Variants in KCNH7 observed in about 807,000 individuals in gnomAD.
KCNH7 encodes potassium voltage-gated channel subfamily H member 7, also known as voltage-gated inwardly rectifying potassium channel KCNH7.
A neutral mutation model predicts 120.8 loss-of-function variants in KCNH7; 49 were observed. That is an observed-to-expected ratio of 0.41 (90% CI 0.32 to 0.51). The LOEUF is 0.51. Among genes scored for constraint, KCNH7 ranks in the 20% least tolerant of loss-of-function variants. The pLI, the probability that KCNH7 is intolerant of heterozygous loss-of-function variation, is 0.38. For missense variants in KCNH7, 1,097 were observed against 1,446.6 expected (o/e 0.76, Z 3.92); for synonymous variants, 547 against 516.1 (o/e 1.06, Z -0.81).
chr2:162,821,815 T>C (rs191051040), intron 2 of KCNH7, among the ~76,000 whole-genome samples: 1 of 152,280 alleles, frequency 6.6e-6, no homozygotes, highest in East Asian at 1.9e-4. Flanking sequence ...ATACAATTTA[T>C]CTTGGTTCTC....
At chr2:162,518,963 T>C (rs1269238273) in intron 3 of KCNH7, among the ~76,000 whole-genome samples, 1 of 151,556 alleles carries the variant, frequency 6.6e-6, no homozygotes, top group Non-Finnish European at 1.5e-5. Context: ...AACATTAAAA[T>C]ATTAAACTTT....
chr2:162,491,518 G>T (rs1014991273), intron 6 of KCNH7, among the ~76,000 whole-genome samples: 2 of 152,112 alleles, frequency 1.3e-5, no homozygotes, highest in Non-Finnish European at 2.9e-5. Context: ...ATAGATAGAG[G>T]TCATGCTAGT....
intron 2 of KCNH7, among the ~76,000 whole-genome samples, chr2:162,696,318 T>C (rs904100363): frequency 1.3e-5 from 2 of 152,160 alleles, no homozygotes; most frequent in Non-Finnish European, 2.9e-5. Context: ...ATGTTGGAAA[T>C]AGGATAAGTA....
intron 8 of KCNH7, among the ~76,000 whole-genome samples, chr2:162,426,764 A>G (rs1347099315): frequency 6.6e-6 from 1 of 152,176 alleles, no homozygotes; most frequent in Non-Finnish European, 1.5e-5. Context: ...TTTTAAGTGT[A>G]TAGTTCAATT....
At chr2:162,629,734 T>C (rs1054345859) in intron 2 of KCNH7, among the ~76,000 whole-genome samples, 2 of 152,102 alleles carry the variant, frequency 1.3e-5, no homozygotes, top group Non-Finnish European at 2.9e-5. Context: ...GGCCATGGTA[T>C]GAGTATTTAC....
intron 2 of KCNH7, among the ~76,000 whole-genome samples, chr2:162,746,314 T>G (rs1027587440): frequency 1.3e-5 from 2 of 152,142 alleles, no homozygotes; most frequent in Non-Finnish European, 2.9e-5. Flanking sequence ...TTTGTCATTA[T>G]AGCCTGTAAA....
chr2:162,668,745 T>G (rs9973688), intron 2 of KCNH7, among the ~76,000 whole-genome samples: 50,071 of 151,964 alleles, frequency 0.33, 13,429 homozygotes, highest in African/African-American at 0.73. Context: ...AAGGATGGAA[T>G]CTTTACAATT....
intron 2 of KCNH7, among the ~76,000 whole-genome samples, chr2:162,829,311 C>T (rs1207820410): frequency 6.6e-6 from 1 of 152,136 alleles, no homozygotes; most frequent in African/African-American, 2.4e-5. Context: ...AATCAGCTAA[C>T]TTTATCATTT....
chr2:162,437,665 G>A (rs1422793345), intron 7 of KCNH7, among the ~76,000 whole-genome samples: 1 of 151,930 alleles, frequency 6.6e-6, no homozygotes, highest in East Asian at 1.9e-4. Context: ...CAAATAATAA[G>A]GCCAACCTTA....
chr2:162,836,999 T>C (rs1685687388), intron 1 of KCNH7, among the ~76,000 whole-genome samples: 1 of 152,172 alleles, frequency 6.6e-6, no homozygotes, highest in African/African-American at 2.4e-5. Flanking sequence ...ACTCTTAAAA[T>C]TGCAAGAATA....
intron 2 of KCNH7, among the ~76,000 whole-genome samples, chr2:162,629,949 A>G (rs1395686556): frequency 1.3e-5 from 2 of 152,134 alleles, no homozygotes; most frequent in Non-Finnish European, 2.9e-5. Flanking sequence ...AGAAATTTGG[A>G]TTGAGTTGAT....
chr2:162,491,591 T>G (rs1266453847), intron 6 of KCNH7, among the ~76,000 whole-genome samples: 1 of 152,094 alleles, frequency 6.6e-6, no homozygotes, highest in Non-Finnish European at 1.5e-5. Context: ...GGAGTCTGCG[T>G]GTAGGTAAAT....
At chr2:162,820,781 G>C (rs1216943554) in intron 2 of KCNH7, among the ~76,000 whole-genome samples, 1 of 152,030 alleles carries the variant, frequency 6.6e-6, no homozygotes, top group Non-Finnish European at 1.5e-5. Context: ...ACTTTCCTCT[G>C]AGAAATAATT....
Position 162,674,653 on chromosome 2 carries a change from G to C in KCNH7, c.308-137573C>G, listed in dbSNP as rs78055326. On this transcript the variant is annotated intron_variant, in intron 2 of 15. Transcript: ENST00000332142. The stretch of plus-strand genomic sequence containing the variant: ...TATAGCAGAGACATAAACAAGTAGA[G>C]CAATTCAACAAAACAGAAATTACAG... Among the ~76,000 whole-genome samples, 1,093 of 151,662 alleles carry C rather than the reference G, an allele frequency of 7.2e-3. 15 individuals are homozygous for C. The highest frequency in any genetic ancestry group is 0.025 in the African/African-American group (1,024 of 41,462).
chr2:162,562,138 A>T (rs1417017913), intron 2 of KCNH7, among the ~76,000 whole-genome samples: 3 of 152,192 alleles, frequency 2.0e-5, no homozygotes, highest in Non-Finnish European at 4.4e-5. Context: ...GCAGCAAACC[A>T]CCATGGCACA....
At chr2:162,516,786 G>T (rs1691311682) in intron 4 of KCNH7, among the ~76,000 whole-genome samples, 2 of 151,714 alleles carry the variant, frequency 1.3e-5, no homozygotes, top group East Asian at 3.9e-4. Flanking sequence ...GGAGGAAAAA[G>T]ATTGCATGGA....
chr2:162,836,490 T>C, intron 2 of KCNH7, 47 bp downstream of exon 2: 1 of 1,484,434 alleles, frequency 6.7e-7, no homozygotes, highest in Non-Finnish European at 9.3e-7. Context: ...TCAAAATTTC[T>C]TTTCAATGGG....
chr2:162,573,792 T>A (rs1278217377), intron 2 of KCNH7, among the ~76,000 whole-genome samples: 4 of 152,046 alleles, frequency 2.6e-5, no homozygotes, highest in Non-Finnish European at 5.9e-5. Context: ...TACAAAATAT[T>A]ATTATACATT....
At chr2:162,605,307 A>G (rs1682705686) in intron 2 of KCNH7, among the ~76,000 whole-genome samples, 1 of 152,170 alleles carries the variant, frequency 6.6e-6, no homozygotes. Flanking sequence ...CATGGAAAGA[A>G]AGCTAAAACA....
Sources: allele counts gnomAD v4.1 joint callset (sites outside exome capture counted in the v4.1 genomes callset), GRCh38; gene constraint gnomAD v4.1.1; transcripts MANE v1.5; gene names NCBI Gene and HGNC (gene_info 2026-07-23, HGNC 2026-07-21).